The following PTPRM variants were observed in gnomAD, a reference collection of about 807,000 sequenced individuals.
PTPRM encodes the protein protein tyrosine phosphatase receptor type M.
PTPRM carries 47 observed loss-of-function variants against 186.7 expected under a neutral mutation model. The ratio of observed to expected loss-of-function variants is 0.25; its 90% CI spans 0.20 to 0.32. The LOEUF (loss-of-function observed/expected upper bound fraction) is 0.32. PTPRM is among the 10% of genes least tolerant of loss of function. The pLI is 1.00. For synonymous variants in PTPRM, 668 were observed against 674.9 expected, an observed-to-expected ratio of 0.99 and a Z score of 0.16; for missense variants, 1,494 against 1,865.0, an observed-to-expected ratio of 0.80 and a Z score of 3.66.
At chr18:7,672,960 A>G (rs1220521069) in intron 1 of PTPRM, among the ~76,000 whole-genome samples, 2 of 152,198 alleles carry the variant, frequency 1.3e-5, no homozygotes, top group Non-Finnish European at 2.9e-5. Context: ...CAGCTTCCTG[A>G]GAGTGGGAGA....
chr18:7,706,081 G>A (rs987774308), intron 1 of PTPRM, among the ~76,000 whole-genome samples: 1 of 150,368 alleles, frequency 6.7e-6, no homozygotes, highest in Non-Finnish European at 1.5e-5. Flanking sequence ...TATGATTTTT[G>A]TTACCTTTTA....
At chr18:7,602,389 A>G (rs1041996364) in intron 1 of PTPRM, among the ~76,000 whole-genome samples, 17 of 151,954 alleles carry the variant, frequency 1.1e-4, no homozygotes, top group Non-Finnish European at 2.9e-5. Flanking sequence ...TGAATTTAAC[A>G]TTAGATATTT....
chr18:7,630,484 G>C (rs140427517), intron 1 of PTPRM, among the ~76,000 whole-genome samples: 1 of 152,250 alleles, frequency 6.6e-6, no homozygotes, highest in Non-Finnish European at 1.5e-5. Context: ...TATGGAGACT[G>C]TCTCCTGAGA....
chr18:8,224,756 G>A lies in PTPRM; in HGVS notation c.2301-19302G>A, dbSNP rs531238525. 5.3e-5 allele frequency among the ~76,000 whole-genome samples: 8 copies of A among 152,290 alleles called. No homozygotes were observed. The East Asian group carries it at 9.7e-4, about 18-fold the overall frequency. On this transcript the variant is annotated intron_variant, in intron 14 of 32. Coordinates refer to ENST00000580170, the MANE Select transcript of PTPRM (RefSeq NM_001105244.2). Reference sequence around the variant, plus strand: ...ATTTGTTGAATAAACCCTTCATCCTGTAGAATTCCCCCACATTCCAAACTC... The same window carrying A: ...ATTTGTTGAATAAACCCTTCATCCTATAGAATTCCCCCACATTCCAAACTC...
intron 20 of PTPRM, among the ~76,000 whole-genome samples, chr18:8,299,438 T>G (rs2095131555): frequency 6.6e-6 from 1 of 151,786 alleles, no homozygotes; most frequent in Non-Finnish European, 1.5e-5. Context: ...AAGACAAAAA[T>G]TAGCTGGGCA....
chr18:7,753,543 G>T (rs926084630), intron 1 of PTPRM, among the ~76,000 whole-genome samples: 1 of 152,084 alleles, frequency 6.6e-6, no homozygotes, highest in Admixed American at 6.5e-5. Flanking sequence ...ATATGGTAGG[G>T]TTGTTGAGTA....
chr18:8,345,922 G>T (rs1193165400), intron 23 of PTPRM, among the ~76,000 whole-genome samples: 1 of 152,136 alleles, frequency 6.6e-6, no homozygotes, highest in Non-Finnish European at 1.5e-5. Flanking sequence ...ATGTATGATA[G>T]TAAGATTTAC....
intron 1 of PTPRM, among the ~76,000 whole-genome samples, chr18:7,664,409 T>A (rs2039048869): frequency 6.6e-6 from 1 of 152,222 alleles, no homozygotes. Flanking sequence ...CATTAAACAT[T>A]GAGCATAAGC....
At chr18:8,298,919 G>C (rs1174916355) in intron 20 of PTPRM, among the ~76,000 whole-genome samples, 1 of 152,150 alleles carries the variant, frequency 6.6e-6, no homozygotes, top group East Asian at 1.9e-4. Context: ...TTGGAGACCA[G>C]CCTTGGCAAC....
intron 9 of PTPRM, among the ~76,000 whole-genome samples, chr18:8,078,317 T>C (rs2089941679): frequency 6.6e-6 from 1 of 152,166 alleles, no homozygotes; most frequent in South Asian, 2.1e-4. Context: ...TACAGCTTCC[T>C]CCCGGAGCTG....
intron 19 of PTPRM, among the ~76,000 whole-genome samples, chr18:8,279,436 C>T (rs758827104): frequency 1.6e-4 from 24 of 152,236 alleles, no homozygotes; most frequent in South Asian, 8.3e-4. Flanking sequence ...TAATTAATTC[C>T]GCCTGTGTCA....
intron 14 of PTPRM, among the ~76,000 whole-genome samples, chr18:8,171,262 G>A (rs2093397000): frequency 6.6e-6 from 1 of 152,204 alleles, no homozygotes; most frequent in African/African-American, 2.4e-5. Context: ...CATCCAGAAT[G>A]TGCAGAAATT....
intron 31 of PTPRM, among the ~76,000 whole-genome samples, chr18:8,392,618 C>T (rs1401856743): frequency 2.6e-5 from 4 of 151,042 alleles, no homozygotes; most frequent in African/African-American, 9.8e-5. Flanking sequence ...CAGAGTGAGA[C>T]TCCATCTCAA....
At chr18:8,291,644 A>C (rs1037181328) in intron 19 of PTPRM, among the ~76,000 whole-genome samples, 3 of 152,208 alleles carry the variant, frequency 2.0e-5, no homozygotes, top group African/African-American at 7.2e-5. Flanking sequence ...ATTCTTGCCC[A>C]AAGAAAAATG....
intron 22 of PTPRM, among the ~76,000 whole-genome samples, chr18:8,333,374 A>G (rs757476612): frequency 5.3e-5 from 8 of 152,244 alleles, no homozygotes; most frequent in Non-Finnish European, 8.8e-5. Flanking sequence ...TCTGTGACAC[A>G]TGAGGCAGAT....
intron 14 of PTPRM, among the ~76,000 whole-genome samples, chr18:8,210,065 A>G (rs540745197): frequency 6.7e-6 from 1 of 149,060 alleles, no homozygotes; most frequent in South Asian, 2.2e-4. Context: ...TAATCCCAAC[A>G]CTTTGGGAGG....
chr18:7,708,856 G>A (rs1280116789), intron 1 of PTPRM, among the ~76,000 whole-genome samples: 2 of 152,010 alleles, frequency 1.3e-5, no homozygotes, highest in East Asian at 1.9e-4. Flanking sequence ...GAATAATTAG[G>A]AGCTTAAAAT....
chr18:8,393,192 C>T (rs1439820425), intron 31 of PTPRM, among the ~76,000 whole-genome samples: 3 of 152,190 alleles, frequency 2.0e-5, no homozygotes, highest in Non-Finnish European at 4.4e-5. Flanking sequence ...GTTAACATCA[C>T]CAGTAATAAG....
chr18:8,063,052 C>A (rs1245617721), intron 7 of PTPRM, among the ~76,000 whole-genome samples: 3 of 151,144 alleles, frequency 2.0e-5, no homozygotes, highest in African/African-American at 7.3e-5. Flanking sequence ...CGCCCCTCCC[C>A]CAGCCTCGCT....
Sources: allele counts gnomAD v4.1 joint callset (sites outside exome capture counted in the v4.1 genomes callset), GRCh38; gene constraint gnomAD v4.1.1; transcripts MANE v1.5; gene names NCBI Gene and HGNC (gene_info 2026-07-23, HGNC 2026-07-21).